The following KDM7A variants were observed in gnomAD, a reference collection of about 807,000 sequenced individuals.
KDM7A encodes lysine demethylase 7A.
A neutral mutation model predicts 114.8 loss-of-function variants in KDM7A; 28 were observed. That is an observed-to-expected ratio of 0.24 (90% CI 0.18 to 0.33). KDM7A has a LOEUF of 0.33. Among genes scored for constraint, KDM7A ranks in the 10% least tolerant of loss-of-function variants. The pLI is 1.00. For synonymous variants in KDM7A, 423 were observed against 397.8 expected (o/e 1.06, Z -0.75); for missense variants, 942 against 1,142.5 (o/e 0.82, Z 2.53).
intron 17 of KDM7A, among the ~76,000 whole-genome samples, 163 bp from the exon 18 acceptor site, chr7:140,094,301 T>C (rs1818068972): frequency 6.6e-6 from 1 of 152,228 alleles, no homozygotes; most frequent in Non-Finnish European, 1.5e-5. Context: ...AGTCAGGAGT[T>C]CGAGACCAGC....
At chr7:140,133,823 G>T (rs1374713821) in intron 2 of KDM7A, among the ~76,000 whole-genome samples, 167 bp from the exon 3 acceptor site, 1 of 152,062 alleles carries the variant, frequency 6.6e-6, no homozygotes, top group Non-Finnish European at 1.5e-5. Context: ...ATGTAATGCT[G>T]CAATTACAGA....
At chr7:140,148,109 C>A (rs942033187) in intron 1 of KDM7A, among the ~76,000 whole-genome samples, 4 of 151,692 alleles carry the variant, frequency 2.6e-5, no homozygotes, top group Non-Finnish European at 1.5e-5. Context: ...GTATTAGCTA[C>A]GAGGTTTGAG....
At chr7:140,165,288 T>C (rs967075393) in intron 1 of KDM7A, among the ~76,000 whole-genome samples, 11 of 152,362 alleles carry the variant, frequency 7.2e-5, no homozygotes, top group African/African-American at 2.6e-4. Flanking sequence ...GAGCCAGTGG[T>C]GTTTTTTAAA....
At chr7:140,156,457 TC>T (rs1258816905) in intron 1 of KDM7A, among the ~76,000 whole-genome samples, 2 of 152,068 alleles carry the variant, frequency 1.3e-5, no homozygotes, top group Non-Finnish European at 2.9e-5. Context: ...AAGGTTGGAG[TC>T]CCCCATAAGC....
intron 13 of KDM7A, 123 bp downstream of exon 13, chr7:140,099,776 G>GA (rs1818172838): frequency 1.2e-6 from 1 of 818,716 alleles, no homozygotes; most frequent in Admixed American, 2.2e-5. Flanking sequence ...CCCTGGCTGA[G>GA]AAAAAACTGT....
intron 12 of KDM7A, among the ~76,000 whole-genome samples, chr7:140,100,531 A>G (rs987599056): frequency 6.6e-6 from 1 of 151,770 alleles, no homozygotes; most frequent in Non-Finnish European, 1.5e-5. Flanking sequence ...CTTCCTTTTC[A>G]TAGTGATTTT....
chr7:140,131,409 T>A (rs920011237), intron 3 of KDM7A, among the ~76,000 whole-genome samples: 1 of 152,194 alleles, frequency 6.6e-6, no homozygotes. Flanking sequence ...AGTCTCCACT[T>A]ATACAATCAG....
At chr7:140,136,784 C>T (rs1435946044) in intron 2 of KDM7A, among the ~76,000 whole-genome samples, 2 of 152,024 alleles carry the variant, frequency 1.3e-5, no homozygotes, top group African/African-American at 2.4e-5. Flanking sequence ...GAGGCCGAGG[C>T]GAGACCAGCC....
At chr7:140,110,266 C>T (rs1818410520) in intron 11 of KDM7A, among the ~76,000 whole-genome samples, 1 of 152,058 alleles carries the variant, frequency 6.6e-6, no homozygotes, top group South Asian at 2.1e-4. Context: ...TATGTATAAA[C>T]TTACATATAT....
chr7:140,115,857 A>T (rs1253954227), intron 9 of KDM7A, among the ~76,000 whole-genome samples: 1 of 114,524 alleles, frequency 8.7e-6, no homozygotes, highest in Non-Finnish European at 1.8e-5. Flanking sequence ...CAAGAAAAGT[A>T]AAAAAAAAAA....
chr7:140,096,779 TC>T lies in KDM7A; in HGVS notation c.2166-17del, dbSNP rs1327847535. 21 of 1,606,956 alleles carry T rather than the reference TC, an allele frequency of 1.3e-5. No homozygotes were observed. The highest frequency in any genetic ancestry group is 1.7e-5 in the Non-Finnish European group (20 of 1,176,224). On this transcript the variant is annotated splice_polypyrimidine_tract_variant and intron_variant, in intron 16 of 19. Transcript: ENST00000397560. ...AGGACATTCCCTAAAGAAGAGATGA[TC>T]CAAAAACACAAGAGTCTATTTTTTC...
At chr7:140,172,086 A>G (rs1794651272) in intron 1 of KDM7A, among the ~76,000 whole-genome samples, 1 of 152,080 alleles carries the variant, frequency 6.6e-6, no homozygotes, top group Non-Finnish European at 1.5e-5. Flanking sequence ...GGATGCAGGG[A>G]ACTAAAAGTG....
In KDM7A at chr7:140,126,914, A is replaced by G. The variant is rs550750261; in HGVS notation, c.702-91T>C. ...TTCTCATCTATTCCCAAACCAAATA[A>G]TTAAATGGAACTTAAGGTTAACAAC... On this transcript the variant is annotated intron_variant, in intron 5 of 19. Coordinates refer to ENST00000397560, the MANE Select transcript of KDM7A (RefSeq NM_030647.2). 18 of 914,296 alleles carry G rather than the reference A, an allele frequency of 2.0e-5. No homozygotes were observed. In the African/African-American group the frequency reaches 2.9e-4, roughly 15 times the overall value. The allele number at this position is 914,296 out of a possible 1,614,324, so 56.6% of individuals were successfully genotyped here.
chr7:140,158,931 A>G (rs1241232249), intron 1 of KDM7A, among the ~76,000 whole-genome samples: 1 of 152,246 alleles, frequency 6.6e-6, no homozygotes, highest in Non-Finnish European at 1.5e-5. Context: ...AAAAAACTGG[A>G]AACAGCAAGT....
chr7:140,132,949 T>C (rs756529454), intron 3 of KDM7A, among the ~76,000 whole-genome samples: 4 of 152,226 alleles, frequency 2.6e-5, no homozygotes, highest in Non-Finnish European at 5.9e-5. Context: ...TCACTTGAAA[T>C]AGATGTCAGG....
intron 12 of KDM7A, 80 bp from the exon 13 acceptor site, chr7:140,100,103 A>G: frequency 2.1e-6 from 3 of 1,440,602 alleles, no homozygotes; most frequent in Non-Finnish European, 2.9e-6. Flanking sequence ...GTATACCACC[A>G]CCTCCCCCAT....
intron 2 of KDM7A, among the ~76,000 whole-genome samples, chr7:140,138,637 G>C (rs1818906639): frequency 6.6e-6 from 1 of 152,080 alleles, no homozygotes; most frequent in African/African-American, 2.4e-5. Context: ...ACTCAATACA[G>C]CAACCAAATT....
chr7:140,169,318 CAA>C (rs897985745), intron 1 of KDM7A, among the ~76,000 whole-genome samples: 1 of 152,152 alleles, frequency 6.6e-6, no homozygotes, highest in African/African-American at 2.4e-5. Context: ...CAAATTATCT[CAA>C]AATTTAAATT....
At chr7:140,138,263 G>A (rs1818901376) in intron 2 of KDM7A, among the ~76,000 whole-genome samples, 6 of 151,760 alleles carry the variant, frequency 4.0e-5, no homozygotes, top group Admixed American at 3.3e-4. Context: ...AGCTATGATA[G>A]CACCACTACA....
Sources: gnomAD v4.1 joint callset for allele counts (sites outside exome capture counted in the v4.1 genomes callset) on GRCh38, gnomAD v4.1.1 for gene constraint, MANE v1.5 for transcripts, NCBI Gene and HGNC (gene_info 2026-07-23, HGNC 2026-07-21) for gene names.